ZNRF1: variants seen among roughly 807,000 people sequenced by gnomAD.
ZNRF1 encodes the protein zinc and ring finger 1.
A neutral mutation model predicts 18.4 loss-of-function variants in ZNRF1; 3 were observed. The observed-to-expected ratio is 0.16, with a 90% confidence interval of 0.07 to 0.42. ZNRF1 has a LOEUF of 0.42. ZNRF1 is among the 10% of genes least tolerant of loss of function. ZNRF1 has a pLI of 0.99. For missense variants in ZNRF1, 310 were observed against 329.8 expected (o/e 0.94, Z 0.47); for synonymous variants, 157 against 144.2 (o/e 1.09, Z -0.64).
intron 1 of ZNRF1, among the ~76,000 whole-genome samples, chr16:75,059,604 G>A (rs1469171951): frequency 1.3e-5 from 2 of 151,914 alleles, no homozygotes; most frequent in African/African-American, 2.4e-5. Context: ...CGTAGGAACC[G>A]GTTTTTCAGC....
At position 75,010,797 on chromosome 16, in the gene ZNRF1, G is replaced by C. The variant is rs1017021689; in HGVS notation, c.424+10702G>C. Among the ~76,000 whole-genome samples, 3 of 136,578 alleles carry C rather than the reference G, an allele frequency of 2.2e-5. No homozygotes were observed. The Admixed American group carries it at 2.5e-4, about 11-fold the overall frequency. The allele number at this position is 136,578 out of a possible 152,430, so 89.6% of individuals were successfully genotyped here. On this transcript the variant is annotated intron_variant, in intron 1 of 4. Transcript: ENST00000335325. ...ATGATCTCCACTCACTGCAACCTCTGCCTCCTGGGCTCAAGCAATTCTCTT... is the reference window on the plus strand; with the variant it reads ...ATGATCTCCACTCACTGCAACCTCTCCCTCCTGGGCTCAAGCAATTCTCTT...
At chr16:75,106,229 G>A in intron 3 of ZNRF1, 1 of 503,958 alleles carries the variant, frequency 2.0e-6, no homozygotes, top group Non-Finnish European at 3.6e-6. Context: ...AAGCCACTCT[G>A]CCCCTTCCTG....
chr16:75,040,111 C>T (rs1221777013), intron 1 of ZNRF1, among the ~76,000 whole-genome samples: 1 of 123,846 alleles, frequency 8.1e-6, no homozygotes, highest in Non-Finnish European at 1.6e-5. Context: ...GTGGCATGGT[C>T]ATAGCTCACC....
chr16:75,070,728 C>T (rs1026419845), intron 1 of ZNRF1, among the ~76,000 whole-genome samples: 1 of 152,082 alleles, frequency 6.6e-6, no homozygotes, highest in South Asian at 2.1e-4. Flanking sequence ...CTTGTAACAG[C>T]GTGGACTTGC....
chr16:75,053,683 C>G (rs796373490), intron 1 of ZNRF1, among the ~76,000 whole-genome samples: 1 of 152,024 alleles, frequency 6.6e-6, no homozygotes, highest in African/African-American at 2.4e-5. Flanking sequence ...GATAGATGTG[C>G]CCCATGCTGT....
chr16:75,029,684 G>A lies in ZNRF1; in HGVS notation c.424+29589G>A, dbSNP rs186595513. Among the ~76,000 whole-genome samples, 12 of 151,878 alleles carry A rather than the reference G, an allele frequency of 7.9e-5. 1 individual carries two copies. In the South Asian group the frequency reaches 1.5e-3, roughly 18 times the overall value. ...AGGCTGAGGCTGAGCTTGGAGAATC[G>A]CTTGAACCTAGGAGGCGGAGGTTGC... On this transcript the variant is annotated intron_variant, in intron 1 of 4. Transcript: ENST00000335325.
intron 1 of ZNRF1, among the ~76,000 whole-genome samples, chr16:75,063,970 G>T (rs2035772098): frequency 6.6e-6 from 1 of 152,188 alleles, no homozygotes; most frequent in African/African-American, 2.4e-5. Context: ...TAAAATACGG[G>T]GCTCCATTCT....
chr16:75,028,294 T>G (rs1328343236), intron 1 of ZNRF1, among the ~76,000 whole-genome samples: 2 of 152,090 alleles, frequency 1.3e-5, no homozygotes, highest in Non-Finnish European at 2.9e-5. Context: ...GTACTTTTTG[T>G]TTTTTGTTTT....
chr16:75,005,056 G>T (rs2145315884), intron 1 of ZNRF1, among the ~76,000 whole-genome samples: 1 of 152,250 alleles, frequency 6.6e-6, no homozygotes, highest in South Asian at 2.1e-4. Flanking sequence ...CCCTTGGAGT[G>T]AATCAGAAAG....
chr16:75,076,000 G>A (rs1457081864), intron 1 of ZNRF1, among the ~76,000 whole-genome samples: 1 of 152,174 alleles, frequency 6.6e-6, no homozygotes, highest in African/African-American at 2.4e-5. Flanking sequence ...GGACTCAGGA[G>A]AGAGGAAAAA....
At chr16:75,051,573 A>C (rs1488991253) in intron 1 of ZNRF1, among the ~76,000 whole-genome samples, 2 of 150,256 alleles carry the variant, frequency 1.3e-5, no homozygotes, top group African/African-American at 2.5e-5. Flanking sequence ...GCTAGAGTGC[A>C]GTGGCATGAT....
chr16:75,041,885 A>G (rs1371723424), intron 1 of ZNRF1, among the ~76,000 whole-genome samples: 1 of 151,936 alleles, frequency 6.6e-6, no homozygotes, highest in African/African-American at 2.4e-5. Context: ...AATCCCAGCT[A>G]CTCGGGAGCC....
At chr16:75,027,663 A>G (rs748571243) in intron 1 of ZNRF1, among the ~76,000 whole-genome samples, 2 of 151,936 alleles carry the variant, frequency 1.3e-5, no homozygotes, top group African/African-American at 4.8e-5. Context: ...TACACTCTCA[A>G]TCCTCTTCCC....
Position 75,104,897 on chromosome 16 carries a change from G to T in ZNRF1, c.626+8G>T. The T allele has an allele frequency of 1.3e-6, 2 of 1,587,068 alleles. No homozygotes were observed. Among genetic ancestry groups the T allele is most frequent in the South Asian group, 1.2e-5 (1 of 86,638 alleles). On this transcript the variant is annotated splice_region_variant and intron_variant, in intron 3 of 4. Coordinates refer to ENST00000335325, the MANE Select transcript of ZNRF1 (RefSeq NM_032268.5). ...GTGCATCTATCACAAAAGGTAGGAG[G>T]GGTTGGCAAGGTAGCTTAGTGCACC...
At chr16:75,094,143 C>G (rs753504005) in intron 2 of ZNRF1, among the ~76,000 whole-genome samples, 5 of 152,154 alleles carry the variant, frequency 3.3e-5, no homozygotes, top group Non-Finnish European at 7.4e-5. Flanking sequence ...TTGTCACGTT[C>G]GAACTCGGAC....
At chr16:75,061,858 C>T (rs1164946348) in intron 1 of ZNRF1, among the ~76,000 whole-genome samples, 1 of 152,194 alleles carries the variant, frequency 6.6e-6, no homozygotes, top group Admixed American at 6.5e-5. Context: ...TGCTTTGCGT[C>T]AGCTTCTGAC....
chr16:75,019,684 A>G (rs775450098), intron 1 of ZNRF1, among the ~76,000 whole-genome samples: 1 of 152,124 alleles, frequency 6.6e-6, no homozygotes, highest in Non-Finnish European at 1.5e-5. Flanking sequence ...CAAATCTTCC[A>G]TATTTTACCA....
chr16:75,049,458 C>G (rs2035561259), intron 1 of ZNRF1, among the ~76,000 whole-genome samples: 1 of 152,094 alleles, frequency 6.6e-6, no homozygotes. Context: ...TCCCGAGCAG[C>G]TGGGACCACA....
In ZNRF1 at chr16:75,096,344, C is replaced by T. The variant is rs142817910; in HGVS notation, c.520+2677C>T. On this transcript the variant is annotated intron_variant, in intron 2 of 4. Coordinates refer to ENST00000335325, the MANE Select transcript of ZNRF1 (RefSeq NM_032268.5). ...CTTCCAGGTAAGAGGAGAGCATTTG[C>T]TTCCGGGGGTGTATGTGGAGTGGGC... 5.3e-5 allele frequency among the ~76,000 whole-genome samples: 8 copies of T among 152,248 alleles called. No individual in the cohort carries two copies. In the East Asian group the frequency reaches 1.4e-3, roughly 26 times the overall value.
Sources: gnomAD v4.1 joint callset for allele counts (sites outside exome capture counted in the v4.1 genomes callset) on GRCh38, gnomAD v4.1.1 for gene constraint, MANE v1.5 for transcripts, NCBI Gene and HGNC (gene_info 2026-07-23, HGNC 2026-07-21) for gene names.